The following SF3B6 variants were observed in gnomAD, a reference collection of about 807,000 sequenced individuals.
The protein encoded by SF3B6 is splicing factor 3b subunit 6, also known as SF3b 14 kDa subunit.
Under a neutral mutation model 15.9 loss-of-function variants are expected in SF3B6, and 3 were observed. The observed-to-expected ratio is 0.19, with a 90% CI of 0.09 to 0.49. SF3B6 has a LOEUF of 0.49. Among genes scored for constraint, SF3B6 ranks in the 20% least tolerant of loss-of-function variants. The probability of loss-of-function intolerance (pLI) is 0.97; values close to 1 mark genes in which losing one functional copy is unlikely to be tolerated. For synonymous variants in SF3B6, 49 were observed against 51.1 expected, an observed-to-expected ratio of 0.96 and a Z score of 0.18; for missense variants, 71 against 154.3, an observed-to-expected ratio of 0.46 and a Z score of 2.86.
intron 2 of SF3B6, among the ~76,000 whole-genome samples, chr2:24,069,348 T>C (rs902308812): frequency 6.6e-6 from 1 of 152,206 alleles, no homozygotes; most frequent in Non-Finnish European, 1.5e-5. Context: ...AGTGTAGTTA[T>C]TCCTGGCCAC....
At chr2:24,076,160 C>T in intron 1 of SF3B6, 40 bp downstream of exon 1, 2 of 1,614,048 alleles carry the variant, frequency 1.2e-6, no homozygotes, top group Non-Finnish European at 1.7e-6. Flanking sequence ...AAAGTCAAAC[C>T]CGAAGTTCTC....
At chr2:24,073,047 A>G (rs1664681740) in intron 2 of SF3B6, among the ~76,000 whole-genome samples, 1 of 152,348 alleles carries the variant, frequency 6.6e-6, no homozygotes, top group South Asian at 2.1e-4. Flanking sequence ...CAGCTGGTCT[A>G]TAACACTTTC....
Position 24,074,144 on chromosome 2 carries a change from T to A in SF3B6, c.81A>T (p.Pro27=), listed in dbSNP as rs752184647. 4 of 1,610,234 alleles carry A rather than the reference T, an allele frequency of 2.5e-6. No individual in the cohort carries two copies. Among genetic ancestry groups the A allele is most frequent in the Non-Finnish European group, 3.4e-6 (4 of 1,177,152 alleles). Residue 27 remains proline (P), a synonymous_variant, in exon 2 of 4, where the codon CCA becomes CCT. Coordinates refer to ENST00000233468, the MANE Select transcript of SF3B6 (RefSeq NM_016047.4). ...VNRILYIRNL[P]YKITAEEMYD... is the part of the protein sequence containing the mutation. ...ACATTTCTTCAGCTGTGATTTTGTA[T>A]GGCAAATTTCTTATATACAATATCC...
At chr2:24,075,426 C>G (rs867681959) in intron 1 of SF3B6, among the ~76,000 whole-genome samples, 2 of 147,980 alleles carry the variant, frequency 1.4e-5, no homozygotes, top group African/African-American at 5.0e-5. Context: ...CGCAGTGGCA[C>G]AATCATGGCT....
intron 2 of SF3B6, among the ~76,000 whole-genome samples, chr2:24,069,663 G>T (rs1282151708): frequency 6.6e-6 from 1 of 152,160 alleles, no homozygotes; most frequent in Non-Finnish European, 1.5e-5. Flanking sequence ...GCCTAGACTT[G>T]ATCTAGGATA....
In SF3B6 at chr2:24,067,724, T is replaced by C; in HGVS notation, c.*38A>G. ...AAGGAAAAAAAGGTGGTAGTTGTCA[T>C]TCGTGGGATTTAGTCCAAATGAAAA... On this transcript the variant is annotated 3_prime_UTR_variant, in exon 4 of 4. Coordinates refer to ENST00000233468, the MANE Select transcript of SF3B6 (RefSeq NM_016047.4). 2.0e-6 allele frequency: 3 copies of C among 1,532,582 alleles called. No homozygotes were observed. 94.9% of individuals were successfully genotyped at this position (1,532,582 alleles called of 1,614,324 possible).
chr2:24,070,681 G>C (rs1335106799), intron 2 of SF3B6, among the ~76,000 whole-genome samples: 2 of 152,226 alleles, frequency 1.3e-5, no homozygotes, highest in African/African-American at 4.8e-5. Context: ...TTTTAGCACT[G>C]AAAGTCCAGT....
At chr2:24,075,846 T>C (rs1050402236) in intron 1 of SF3B6, among the ~76,000 whole-genome samples, 4 of 152,068 alleles carry the variant, frequency 2.6e-5, no homozygotes, top group African/African-American at 9.7e-5. Flanking sequence ...CAGGTCCTAG[T>C]TGTTGGTGAA....
chr2:24,070,822 G>C (rs56249424), intron 2 of SF3B6, among the ~76,000 whole-genome samples: 1 of 152,076 alleles, frequency 6.6e-6, no homozygotes, highest in Non-Finnish European at 1.5e-5. Context: ...CTATAATTTA[G>C]ACCTAAGCTC....
At chr2:24,075,508 C>T (rs548123360) in intron 1 of SF3B6, among the ~76,000 whole-genome samples, 132 of 151,870 alleles carry the variant, frequency 8.7e-4, no homozygotes, top group African/African-American at 2.7e-3. Flanking sequence ...GGATTACAGG[C>T]ATGAGCCACC....
At chr2:24,073,845 A>T in intron 2 of SF3B6, 1 of 381,668 alleles carries the variant, frequency 2.6e-6, no homozygotes, top group Non-Finnish European at 4.7e-6. Context: ...GAATGCTTTG[A>T]GGAAACTCAA....
intron 2 of SF3B6, 198 bp downstream of exon 2, chr2:24,073,878 A>C: frequency 2.1e-6 from 1 of 485,610 alleles, no homozygotes; most frequent in Non-Finnish European, 3.6e-6. Flanking sequence ...GCTCTCATTG[A>C]GCTGGATCAT....
chr2:24,074,946 C>T (rs1195242018), intron 1 of SF3B6, among the ~76,000 whole-genome samples: 1 of 151,982 alleles, frequency 6.6e-6, no homozygotes, highest in Non-Finnish European at 1.5e-5. Flanking sequence ...CTGGCCAACA[C>T]GGAGAAACCC....
chr2:24,071,852 GTCCTT>G lies in SF3B6; in HGVS notation c.149+2219_149+2223del, dbSNP rs561984715. Among the ~76,000 whole-genome samples, 22 of 152,320 alleles carry G rather than the reference GTCCTT, an allele frequency of 1.4e-4. No individual in the cohort carries two copies. In the South Asian group the frequency reaches 4.6e-3, roughly 32 times the overall value. On this transcript the variant is annotated intron_variant, in intron 2 of 3. Transcript: ENST00000233468. ...TGAAGATGCCCCTGCTTTATTCCCT[GTCCTT>G]TCATTTTGGCTTTCTGAAACATTCT... is the stretch of plus-strand genomic sequence containing the variant.
At chr2:24,073,979 C>T (rs1378906861) in intron 2 of SF3B6, 97 bp downstream of exon 2, 10 of 765,510 alleles carry the variant, frequency 1.3e-5, no homozygotes, top group Middle Eastern at 3.3e-4. Flanking sequence ...TAAGGGTTGT[C>T]GCACTGCACA....
chr2:24,072,499 T>C (rs1433142500), intron 2 of SF3B6, among the ~76,000 whole-genome samples: 2 of 151,824 alleles, frequency 1.3e-5, no homozygotes, highest in Non-Finnish European at 2.9e-5. Context: ...AGCAGAAGAG[T>C]GGCTAATGTA....
At chr2:24,071,841 C>A (rs1172928025) in intron 2 of SF3B6, among the ~76,000 whole-genome samples, 3 of 152,194 alleles carry the variant, frequency 2.0e-5, no homozygotes, top group Admixed American at 6.5e-5. Context: ...GATGCCCCTG[C>A]TTTATTCCCT....
chr2:24,069,598 A>G (rs1224734053), intron 2 of SF3B6, among the ~76,000 whole-genome samples: 1 of 152,198 alleles, frequency 6.6e-6, no homozygotes, highest in Non-Finnish European at 1.5e-5. Context: ...CATCTGCCAC[A>G]GTCCTTACAT....
chr2:24,076,235 C>G lies in SF3B6; in HGVS notation c.-6G>C, dbSNP rs373453382. 6.2e-7 allele frequency: 1 copy of G among 1,614,154 alleles called. No homozygotes were observed. Among genetic ancestry groups the G allele is most frequent in the Admixed American group, 1.7e-5 (1 of 60,032 alleles). ...TTGGCCGCTTGCATCGCCATCTTGG[C>G]GGGCTGATGAAGTTACCGTAGCAGA... On this transcript the variant is annotated 5_prime_UTR_variant, in exon 1 of 4. Transcript: ENST00000233468.
Sources: gnomAD v4.1 joint callset for allele counts (sites outside exome capture counted in the v4.1 genomes callset) on GRCh38, gnomAD v4.1.1 for gene constraint, MANE v1.5 for transcripts, NCBI Gene and HGNC (gene_info 2026-07-23, HGNC 2026-07-21) for gene names.